LRP1B: variants seen among roughly 807,000 people sequenced by gnomAD.
LRP1B encodes low-density lipoprotein receptor-related protein 1B.
In LRP1B, 217 loss-of-function variants were observed where a neutral mutation model predicts 556.6. The ratio of observed to expected loss-of-function variants is 0.39; its 90% CI spans 0.35 to 0.44. The LOEUF is 0.44. Among genes scored for constraint, LRP1B ranks in the 20% least tolerant of loss-of-function variants. The pLI is 1.00. For missense variants in LRP1B, 5,053 were observed against 5,620.8 expected, an observed-to-expected ratio of 0.90 and a Z score of 3.23; for synonymous variants, 2,047 against 1,865.8, an observed-to-expected ratio of 1.10 and a Z score of -2.50.
At chr2:141,066,492 A>C (rs56125072) in intron 7 of LRP1B, among the ~76,000 whole-genome samples, 2,612 of 152,158 alleles carry the variant, frequency 0.017, 34 homozygotes, top group Middle Eastern at 0.027. Context: ...AAAGGAAAGC[A>C]ATTGTTATAC....
chr2:140,905,096 C>A (rs1340598462), intron 22 of LRP1B, among the ~76,000 whole-genome samples: 1 of 152,104 alleles, frequency 6.6e-6, no homozygotes, highest in African/African-American at 2.4e-5. Context: ...CTGACAAAGA[C>A]TCTGTCCTTG....
At chr2:141,139,900 G>T (rs975711219) in intron 7 of LRP1B, among the ~76,000 whole-genome samples, 2 of 151,126 alleles carry the variant, frequency 1.3e-5, no homozygotes, top group Non-Finnish European at 3.0e-5. Context: ...GTACACAAAT[G>T]ATTATAGCAT....
chr2:142,115,420 T>G (rs1441627268), intron 1 of LRP1B, among the ~76,000 whole-genome samples: 1 of 135,810 alleles, frequency 7.4e-6, no homozygotes, highest in Non-Finnish European at 1.5e-5. Flanking sequence ...CTAGATTATA[T>G]CACAAAAAAT....
chr2:140,928,476 T>G (rs1295600375), intron 20 of LRP1B, among the ~76,000 whole-genome samples: 1 of 152,208 alleles, frequency 6.6e-6, no homozygotes, highest in East Asian at 1.9e-4. Context: ...AACTTGAATG[T>G]TTGCAGTTGG....
chr2:141,757,926 C>A (rs1694382292), intron 2 of LRP1B, among the ~76,000 whole-genome samples: 1 of 151,954 alleles, frequency 6.6e-6, no homozygotes, highest in East Asian at 1.9e-4. Flanking sequence ...CAAGATACAG[C>A]AGAAATAACA....
At chr2:140,505,073 C>T (rs1186088006) in intron 53 of LRP1B, among the ~76,000 whole-genome samples, 1 of 152,184 alleles carries the variant, frequency 6.6e-6, no homozygotes, top group Admixed American at 6.6e-5. Flanking sequence ...ACTTACCTAA[C>T]AGAAGACTAA....
intron 60 of LRP1B, among the ~76,000 whole-genome samples, chr2:140,471,655 T>G (rs966049399): frequency 1.3e-5 from 2 of 152,210 alleles, no homozygotes; most frequent in Non-Finnish European, 2.9e-5. Context: ...CTAAAATATT[T>G]TAACAGTCTC....
chr2:141,467,773 A>G (rs6429885), intron 3 of LRP1B, among the ~76,000 whole-genome samples: 147,461 of 149,154 alleles, frequency 0.99, 72,915 homozygotes, highest in East Asian at 1. Flanking sequence ...ATGCAGGCAT[A>G]AATATTCCTG....
intron 1 of LRP1B, among the ~76,000 whole-genome samples, chr2:142,007,937 G>A (rs916980967): frequency 1.3e-5 from 2 of 152,046 alleles, no homozygotes; most frequent in Non-Finnish European, 2.9e-5. Flanking sequence ...AGAGTTAAAC[G>A]GTATTTGTAT....
intron 41 of LRP1B, among the ~76,000 whole-genome samples, chr2:140,659,122 T>G (rs1183382995): frequency 6.9e-6 from 1 of 145,384 alleles, no homozygotes; most frequent in African/African-American, 2.5e-5. Context: ...TTTTTTTTTT[T>G]TTTTTAGTGA....
intron 3 of LRP1B, among the ~76,000 whole-genome samples, chr2:141,438,502 C>T (rs1440469420): frequency 6.6e-6 from 1 of 152,084 alleles, no homozygotes; most frequent in Non-Finnish European, 1.5e-5. Context: ...GCTTCCATGC[C>T]TCCTATTTCC....
intron 2 of LRP1B, among the ~76,000 whole-genome samples, chr2:141,612,168 C>T (rs1331667865): frequency 6.6e-6 from 1 of 152,186 alleles, no homozygotes; most frequent in Non-Finnish European, 1.5e-5. Context: ...GGATGTGAGC[C>T]ACTGGTGTAA....
rs5834823 is a variant in LRP1B at position 141,342,274 on chromosome 2, AAAATAAATAAAT to A, written c.344-87645_344-87634del. ...AAAAAAAAATAAAATAAATAAAAAT[AAAATAAATAAAT>A]AAATAAATAAATAAAAGGTATCATA... On this transcript the variant is annotated intron_variant, in intron 3 of 90. Transcript: ENST00000389484. Among the ~76,000 whole-genome samples, 13 of 142,080 alleles carry A rather than the reference AAAATAAATAAAT, an allele frequency of 9.1e-5. No homozygotes were observed. The South Asian group carries it at 2.0e-3, about 22-fold the overall frequency. 93.2% of individuals were successfully genotyped at this position (142,080 alleles called of 152,430 possible). A position where few individuals can be genotyped will look rare whatever the true frequency, so the allele number is the denominator to read the frequency against.
chr2:140,470,956 C>A (rs1431007947), intron 60 of LRP1B, among the ~76,000 whole-genome samples: 1 of 152,108 alleles, frequency 6.6e-6, no homozygotes, highest in Admixed American at 6.6e-5. Context: ...GATCAGTACT[C>A]CAGCAAAGGC....
chr2:142,074,440 T>A (rs1207533772), intron 1 of LRP1B, among the ~76,000 whole-genome samples: 1 of 152,070 alleles, frequency 6.6e-6, no homozygotes, highest in Non-Finnish European at 1.5e-5. Flanking sequence ...TCCATTTTCT[T>A]CTTCTGGAAG....
At chr2:140,311,055 A>C (rs1166267226) in intron 83 of LRP1B, among the ~76,000 whole-genome samples, 1 of 151,888 alleles carries the variant, frequency 6.6e-6, no homozygotes, top group African/African-American at 2.4e-5. Context: ...GAGACAAGGG[A>C]ACACTTATAC....
rs374189734 is a variant in LRP1B, at chr2:141,031,923, CA to C, written c.1790-11822del. 3.1e-3 allele frequency among the ~76,000 whole-genome samples: 454 copies of C among 145,310 alleles called. 5 individuals carry two copies. Among genetic ancestry groups the C allele is most frequent in the African/African-American group, 9.6e-3 (383 of 39,854 alleles). ...TAATGTGACTAAAAACTAGATGCACCAAAAAAAAAACTTGTATTTACACGGT... is the reference window on the plus strand; with the variant it reads ...TAATGTGACTAAAAACTAGATGCACCAAAAAAAAACTTGTATTTACACGGT... On this transcript the variant is annotated intron_variant, in intron 11 of 90. Transcript: ENST00000389484.
chr2:141,949,667 C>T (rs778966725), intron 1 of LRP1B, among the ~76,000 whole-genome samples: 3 of 152,122 alleles, frequency 2.0e-5, no homozygotes, highest in Admixed American at 1.3e-4. Context: ...GGATTATAGG[C>T]ATAAGCCACC....
At chr2:140,465,126 A>C (rs77627946) in intron 60 of LRP1B, among the ~76,000 whole-genome samples, 3 of 152,126 alleles carry the variant, frequency 2.0e-5, no homozygotes, top group African/African-American at 7.2e-5. Flanking sequence ...CAAGAAACTT[A>C]TAATCATGAC....
Sources: allele counts gnomAD v4.1 joint callset (sites outside exome capture counted in the v4.1 genomes callset), GRCh38; gene constraint gnomAD v4.1.1; transcripts MANE v1.5; gene names NCBI Gene and HGNC (gene_info 2026-07-23, HGNC 2026-07-21).